Variants in SLC25A48 observed in about 807,000 individuals in gnomAD.
The protein encoded by SLC25A48 is solute carrier family 25 member 48, also known as CTC-321K16.1.
A neutral mutation model predicts 32.2 loss-of-function variants in SLC25A48; 29 were observed. The observed-to-expected ratio is 0.90, with a 90% CI of 0.67 to 1.23. SLC25A48 has a LOEUF of 1.23. Among genes scored for constraint, SLC25A48 ranks in the 50% most tolerant of loss-of-function variants. SLC25A48 has a pLI of 0.00. For missense variants in SLC25A48, 399 were observed against 422.7 expected (o/e 0.94, Z 0.49); for synonymous variants, 164 against 172.3 (o/e 0.95, Z 0.38).
intron 3 of SLC25A48, among the ~76,000 whole-genome samples, chr5:135,707,823 G>A (rs1041551320): frequency 2.6e-5 from 4 of 152,196 alleles, no homozygotes; most frequent in African/African-American, 4.8e-5. Flanking sequence ...GCTTGTCTGC[G>A]AGGGCATGTA....
chr5:135,666,802 C>A (rs919042639), intron 3 of SLC25A48, among the ~76,000 whole-genome samples: 2 of 152,130 alleles, frequency 1.3e-5, no homozygotes, highest in African/African-American at 4.8e-5. Flanking sequence ...ATTTTCCTAT[C>A]CCTACCTTGC....
intron 1 of SLC25A48, among the ~76,000 whole-genome samples, chr5:135,596,461 A>G (rs1282649899): frequency 3.9e-5 from 6 of 152,186 alleles, no homozygotes; most frequent in Non-Finnish European, 2.9e-5. Context: ...CCATGTCCCC[A>G]TACCTGTCAA....
intron 3 of SLC25A48, among the ~76,000 whole-genome samples, chr5:135,765,206 T>C (rs959733710): frequency 6.6e-6 from 1 of 151,470 alleles, no homozygotes; most frequent in Non-Finnish European, 1.5e-5. Context: ...TTATGGTTTG[T>C]AATATCCAGG....
chr5:135,874,785 C>G (rs1244156309), intron 6 of SLC25A48: 7 of 663,734 alleles, frequency 1.1e-5, no homozygotes, highest in Non-Finnish European at 1.9e-5. Flanking sequence ...ATAGACCAGA[C>G]TTCCATGTCT....
chr5:135,779,827 C>G (rs1304293047), intron 3 of SLC25A48, among the ~76,000 whole-genome samples: 2 of 116,632 alleles, frequency 1.7e-5, no homozygotes, highest in Non-Finnish European at 4.2e-5. Flanking sequence ...GGGGTGTACA[C>G]CTTCCCTGTG....
chr5:135,722,730 T>G (rs1249336775), intron 3 of SLC25A48, among the ~76,000 whole-genome samples: 2 of 152,210 alleles, frequency 1.3e-5, no homozygotes, highest in Non-Finnish European at 2.9e-5. Context: ...GGTCTCATGA[T>G]TGAAACAACA....
At position 135,666,657 on chromosome 5, in the gene SLC25A48, C is replaced by CAGAG. The variant is rs70976575; in HGVS notation, c.-521+31733_-521+31736dup. Among the ~76,000 whole-genome samples the CAGAG allele has an allele frequency of 5.5e-3, 820 of 150,044 alleles. 5 individuals carry two copies. Among genetic ancestry groups the CAGAG allele is most frequent in the East Asian group, 0.039 (192 of 4,982 alleles). On this transcript the variant is annotated intron_variant, in intron 3 of 10. Transcript: ENST00000646290. The stretch of plus-strand genomic sequence containing the variant: ...AATAGAAGCCTGTGGTTCAGGGCAT[C>CAGAG]AGAGAGAGAGAGAGAGAGAGAGAGA...
At chr5:135,731,588 GT>G (rs1219403162) in intron 3 of SLC25A48, among the ~76,000 whole-genome samples, 3 of 152,156 alleles carry the variant, frequency 2.0e-5, no homozygotes, top group Non-Finnish European at 4.4e-5. Flanking sequence ...ATATTGTGGG[GT>G]TGTTAAAAGG....
chr5:135,600,656 A>G (rs1358791321), intron 1 of SLC25A48, among the ~76,000 whole-genome samples: 1 of 150,806 alleles, frequency 6.6e-6, no homozygotes, highest in Non-Finnish European at 1.5e-5. Context: ...ATAGGTGCTC[A>G]AGTGTTTTTC....
chr5:135,740,329 G>C (rs1277974626), intron 3 of SLC25A48, among the ~76,000 whole-genome samples: 1 of 152,124 alleles, frequency 6.6e-6, no homozygotes, highest in African/African-American at 2.4e-5. Flanking sequence ...AAGTAGCTAA[G>C]ATTACAGGTA....
At chr5:135,592,118 C>G (rs758176838) in intron 1 of SLC25A48, among the ~76,000 whole-genome samples, 2 of 152,194 alleles carry the variant, frequency 1.3e-5, no homozygotes, top group African/African-American at 2.4e-5. Context: ...TCCCTTAGTG[C>G]CAAGGCAGGA....
At chr5:135,630,749 C>T (rs1752541997) in intron 2 of SLC25A48, among the ~76,000 whole-genome samples, 1 of 151,656 alleles carries the variant, frequency 6.6e-6, no homozygotes. Context: ...TTACAGGTGC[C>T]TGCCACCAAG....
chr5:135,880,756 G>A (rs145021332), intron 7 of SLC25A48, among the ~76,000 whole-genome samples: 1,591 of 152,154 alleles, frequency 0.01, 14 homozygotes, highest in Non-Finnish European at 0.018. Flanking sequence ...ATGTCCCGCC[G>A]TCTCTCTCAC....
intron 2 of SLC25A48, among the ~76,000 whole-genome samples, chr5:135,845,950 C>G (rs760375025): frequency 6.6e-6 from 1 of 152,166 alleles, no homozygotes. Flanking sequence ...CAGGGCTTGG[C>G]TGCCTCTAGA....
chr5:135,712,108 A>G (rs1264147379), intron 3 of SLC25A48, among the ~76,000 whole-genome samples: 3 of 152,000 alleles, frequency 2.0e-5, no homozygotes, highest in Non-Finnish European at 4.4e-5. Context: ...AAGTTTTCTC[A>G]TTGTTTTCTT....
chr5:135,630,588 CTTTTTTTT>C (rs869088370), intron 2 of SLC25A48, among the ~76,000 whole-genome samples: 32 of 58,946 alleles, frequency 5.4e-4, no homozygotes, highest in East Asian at 4.4e-3. Context: ...GGCTGGGCAC[CTTTTTTTT>C]TTTTTTTTTT....
intron 4 of SLC25A48, among the ~76,000 whole-genome samples, chr5:135,857,766 A>G (rs1581006194): frequency 6.6e-6 from 1 of 152,202 alleles, no homozygotes; most frequent in Non-Finnish European, 1.5e-5. Flanking sequence ...GAAAGCCTGG[A>G]GGTCAGGGCT....
chr5:135,718,834 G>T (rs749411779), intron 3 of SLC25A48, among the ~76,000 whole-genome samples: 2 of 151,976 alleles, frequency 1.3e-5, no homozygotes, highest in Non-Finnish European at 2.9e-5. Context: ...GTTGCCAGAG[G>T]TGAGGGGTGG....
At chr5:135,800,028 G>T (rs542501789) in intron 3 of SLC25A48, among the ~76,000 whole-genome samples, 2 of 151,400 alleles carry the variant, frequency 1.3e-5, no homozygotes, top group Non-Finnish European at 2.9e-5. Flanking sequence ...TATCCAGGGG[G>T]GACAGGATGA....
Sources: gnomAD v4.1 joint callset for allele counts (sites outside exome capture counted in the v4.1 genomes callset) on GRCh38, gnomAD v4.1.1 for gene constraint, MANE v1.5 for transcripts, NCBI Gene and HGNC (gene_info 2026-07-23, HGNC 2026-07-21) for gene names.